Variants in CILK1 observed in about 807,000 individuals in gnomAD.
CILK1 encodes the protein ciliogenesis associated kinase 1, also known as serine/threonine-protein kinase ICK.
A neutral mutation model predicts 79.2 loss-of-function variants in CILK1; 47 were observed. The ratio of observed to expected loss-of-function variants is 0.59; its 90% CI spans 0.47 to 0.76. The LOEUF (loss-of-function observed/expected upper bound fraction) is 0.76. Ranked by LOEUF, CILK1 falls within the 30% of genes least tolerant of loss-of-function variation. CILK1 has a pLI of 0.00. For synonymous variants in CILK1, 266 were observed against 275.9 expected, an observed-to-expected ratio of 0.96 and a Z score of 0.36; for missense variants, 660 against 769.5, an observed-to-expected ratio of 0.86 and a Z score of 1.68.
Position 53,001,392 on chromosome 6 carries a change from A to T in CILK1, c.*3757T>A, listed in dbSNP as rs1441043629. 6 of 152,266 alleles carry T rather than the reference A, an allele frequency of 3.9e-5. No homozygotes were observed. The highest frequency in any genetic ancestry group is 8.8e-5 in the Non-Finnish European group (6 of 68,042). 9.4% of individuals were successfully genotyped at this position (152,266 alleles called of 1,614,324 possible). On this transcript the variant is annotated 3_prime_UTR_variant, in exon 14 of 14. Transcript: ENST00000676107. ...TAAACACCTTAGGACAAACTATTTAAAAAGCAACATTTTTTATTTCAGAAG... is the reference window on the plus strand; with the variant it reads ...TAAACACCTTAGGACAAACTATTTATAAAGCAACATTTTTTATTTCAGAAG...
rs567032818 is a variant in CILK1, at chr6:53,011,975, T to C, written c.1344-58A>G. The C allele has an allele frequency of 2.1e-4, 333 of 1,613,724 alleles. 1 individual carries two copies. The highest frequency in any genetic ancestry group is 2.7e-4 in the Non-Finnish European group (319 of 1,179,718). ...GAGAGACAGTATGTATTCTCGGATATGTACCCATAATCTCATGAATTCCAG... is the reference window on the plus strand; with the variant it reads ...GAGAGACAGTATGTATTCTCGGATACGTACCCATAATCTCATGAATTCCAG... On this transcript the variant is annotated intron_variant, in intron 10 of 13. Transcript: ENST00000676107.
chr6:53,048,879 C>T (rs191873500), intron 1 of CILK1, among the ~76,000 whole-genome samples: 5 of 152,194 alleles, frequency 3.3e-5, no homozygotes, highest in East Asian at 1.9e-4. Flanking sequence ...CTCGGACTTA[C>T]GAGAATGAAA....
At chr6:53,038,252 A>G (rs551818533) in intron 2 of CILK1, among the ~76,000 whole-genome samples, 3 of 152,254 alleles carry the variant, frequency 2.0e-5, no homozygotes, top group Admixed American at 6.5e-5. Context: ...TATACTAACT[A>G]ACTAACCTTG....
chr6:53,011,961 T>C (rs376908959), intron 10 of CILK1, 44 bp from the exon 11 acceptor site: 8 of 1,613,908 alleles, frequency 5.0e-6, no homozygotes, highest in South Asian at 1.1e-5. Context: ...AGAGACAGTA[T>C]GTATTCTCGG....
In CILK1 at chr6:53,005,331, A is replaced by G. The variant is rs200884126; in HGVS notation, c.1745-28T>C. ...GCAATGAAAGAAAAAGGCCGGCATG[A>G]CTGATATGGGGCCAATGTAAGCAAA... On this transcript the variant is annotated intron_variant, in intron 13 of 13. Coordinates refer to ENST00000676107, the MANE Select transcript of CILK1 (RefSeq NM_014920.5). 3.5e-5 allele frequency: 56 copies of G among 1,613,610 alleles called. No individual in the cohort carries two copies. In the African/African-American group the frequency reaches 6.8e-4, roughly 20 times the overall value.
chr6:53,052,304 C>T (rs570786533), intron 1 of CILK1, among the ~76,000 whole-genome samples: 9 of 152,298 alleles, frequency 5.9e-5, no homozygotes, highest in African/African-American at 2.2e-4. Flanking sequence ...ATACTTCTAA[C>T]TTTGCATAGT....
intron 1 of CILK1, among the ~76,000 whole-genome samples, chr6:53,048,716 T>A (rs566941376): frequency 6.6e-6 from 1 of 152,358 alleles, no homozygotes; most frequent in Admixed American, 6.5e-5. Context: ...ATAGCAATGC[T>A]TCTCTTCTTG....
chr6:53,023,444 C>G (rs566112514), intron 5 of CILK1, among the ~76,000 whole-genome samples: 1 of 152,208 alleles, frequency 6.6e-6, no homozygotes, highest in East Asian at 1.9e-4. Flanking sequence ...GAGAGCAAAC[C>G]AGAGCTGTGA....
intron 2 of CILK1, among the ~76,000 whole-genome samples, chr6:53,039,441 G>A (rs1025926798): frequency 1.3e-5 from 2 of 152,244 alleles, no homozygotes; most frequent in Non-Finnish European, 2.9e-5. Context: ...CTTGGGTGCA[G>A]GTAGTTTATT....
At chr6:53,032,704 T>C (rs1344332738) in intron 3 of CILK1, 50 bp from the exon 4 acceptor site, 2 of 1,498,722 alleles carry the variant, frequency 1.3e-6, no homozygotes, top group Non-Finnish European at 1.8e-6. Context: ...AGAGAAAATC[T>C]GTTGTTGAAA....
At chr6:53,048,692 C>T (rs1767274426) in intron 1 of CILK1, among the ~76,000 whole-genome samples, 1 of 152,120 alleles carries the variant, frequency 6.6e-6, no homozygotes, top group African/African-American at 2.4e-5. Flanking sequence ...TAGGCGCCTT[C>T]GCTGCTCTAC....
At chr6:53,026,127 ATG>A (rs1765555552) in intron 5 of CILK1, among the ~76,000 whole-genome samples, 1 of 152,076 alleles carries the variant, frequency 6.6e-6, no homozygotes. Context: ...GCAGGATTAA[ATG>A]TGTTATATTT....
Position 53,032,547 on chromosome 6 carries a change from C to G in CILK1, c.264G>C (p.Gln88His), listed in dbSNP as rs1316110316. 8.7e-6 allele frequency: 14 copies of G among 1,605,676 alleles called. No individual in the cohort carries two copies. The highest frequency in any genetic ancestry group is 1.2e-5 in the Non-Finnish European group (14 of 1,174,448). ...IFEYMKENLY[Q>H]LIKERNKLFP... is the part of the protein sequence containing the mutation. Reference sequence around the variant, plus strand: ...CCAAACTGTACCTCTCTTTAATGAGCTGGTAAAGATTTTCCTTCATGTACT... The same window carrying G: ...CCAAACTGTACCTCTCTTTAATGAGGTGGTAAAGATTTTCCTTCATGTACT... The change falls in exon 4 of 14, where the codon CAG (glutamine) becomes CAC (histidine). Residue 88 changes from glutamine to histidine, a missense_variant. By Grantham distance (24) the Gln-to-His change is conservative. Transcript: ENST00000676107.
Position 53,012,107 on chromosome 6 carries a change from C to T in CILK1, c.1273G>A (p.Asp425Asn). ...SDDWADLDDL[D>N]FSPSLSRIDL... ...ATCCTGCTGAGGGATGGACTGAAAT[C>T]CAAGTCATCCAAGTCAGCCCAATCA... The change falls in exon 10 of 14, where the codon GAT (aspartate) becomes AAT (asparagine). Residue 425 changes from aspartate (D) to asparagine (N), a missense_variant. Coordinates refer to ENST00000676107, the MANE Select transcript of CILK1 (RefSeq NM_014920.5). 1 of 1,614,152 alleles carries T rather than the reference C, an allele frequency of 6.2e-7. No individual in the cohort carries two copies. Among genetic ancestry groups the T allele is most frequent in the Non-Finnish European group, 8.5e-7 (1 of 1,180,020 alleles).
chr6:53,050,769 A>C (rs1767428465), intron 1 of CILK1, among the ~76,000 whole-genome samples: 1 of 152,092 alleles, frequency 6.6e-6, no homozygotes, highest in Non-Finnish European at 1.5e-5. Context: ...CGGAGGTTGC[A>C]GTGAGCCTAG....
chr6:53,058,802 T>A (rs1768159225), intron 1 of CILK1, among the ~76,000 whole-genome samples: 1 of 151,480 alleles, frequency 6.6e-6, no homozygotes, highest in Non-Finnish European at 1.5e-5. Flanking sequence ...CTCACATAGA[T>A]CCCACAAGCA....
chr6:53,007,110 A>T (rs1334758312), intron 12 of CILK1, among the ~76,000 whole-genome samples: 1 of 152,256 alleles, frequency 6.6e-6, no homozygotes, highest in African/African-American at 2.4e-5. Context: ...GTGAATGAAT[A>T]TAATTCTTAT....
intron 1 of CILK1, among the ~76,000 whole-genome samples, chr6:53,057,507 A>G (rs554900670): frequency 6.6e-6 from 1 of 152,312 alleles, no homozygotes; most frequent in Admixed American, 6.5e-5. Flanking sequence ...TACTTTCATG[A>G]TATTGTCAAA....
intron 9 of CILK1, 59 bp downstream of exon 9, chr6:53,013,603 A>G: frequency 6.7e-7 from 1 of 1,482,176 alleles, no homozygotes; most frequent in Non-Finnish European, 9.4e-7. Context: ...TCACACAATA[A>G]TGGGGTCAGA....
Sources: gnomAD v4.1 joint callset for allele counts (sites outside exome capture counted in the v4.1 genomes callset) on GRCh38, gnomAD v4.1.1 for gene constraint, MANE v1.5 for transcripts, NCBI Gene and HGNC (gene_info 2026-07-23, HGNC 2026-07-21) for gene names.